DNAJB6: variants seen among roughly 807,000 people sequenced by gnomAD.
The protein encoded by DNAJB6 is dnaJ homolog subfamily B member 6.
A neutral mutation model predicts 42.7 loss-of-function variants in DNAJB6; 16 were observed. The observed-to-expected ratio is 0.37, with a 90% CI of 0.25 to 0.57. DNAJB6 has a LOEUF of 0.57. DNAJB6 is among the 20% of genes least tolerant of loss of function. The pLI, the probability that DNAJB6 is intolerant of heterozygous loss-of-function variation, is 0.74. For missense variants in DNAJB6, 347 were observed against 416.8 expected, an observed-to-expected ratio of 0.83 and a Z score of 1.46; for synonymous variants, 170 against 163.5, an observed-to-expected ratio of 1.04 and a Z score of -0.30.
intron 9 of DNAJB6, chr7:157,414,097 C>T (rs903873371): frequency 1.4e-4 from 22 of 152,432 alleles, no homozygotes; most frequent in African/African-American, 4.3e-4. Context: ...TCCCGGCAGC[C>T]CCAGGGCGGG....
chr7:157,369,935 AC>A (rs1563128589), intron 5 of DNAJB6, among the ~76,000 whole-genome samples: 9 of 149,276 alleles, frequency 6.0e-5, no homozygotes, highest in Non-Finnish European at 1.2e-4. Context: ...TTATTATTAA[AC>A]GGGACCCTTC....
intron 5 of DNAJB6, among the ~76,000 whole-genome samples, chr7:157,375,309 G>T (rs943468155): frequency 3.9e-5 from 6 of 152,186 alleles, no homozygotes; most frequent in African/African-American, 1.4e-4. Context: ...GAGGACTGTG[G>T]TTGGGAAGAG....
chr7:157,383,238 C>T (rs1025958250), intron 6 of DNAJB6, among the ~76,000 whole-genome samples: 5 of 152,056 alleles, frequency 3.3e-5, no homozygotes, highest in African/African-American at 7.2e-5. Flanking sequence ...GAACTGACCT[C>T]GGGTGGATCC....
intron 3 of DNAJB6, among the ~76,000 whole-genome samples, chr7:157,365,461 C>G (rs1011333251): frequency 1.6e-4 from 25 of 152,240 alleles, no homozygotes; most frequent in African/African-American, 5.5e-4. Flanking sequence ...TGGCGCCTTT[C>G]TGGCACATCT....
chr7:157,398,867 A>G (rs899633374), intron 8 of DNAJB6, among the ~76,000 whole-genome samples: 2 of 152,250 alleles, frequency 1.3e-5, no homozygotes, highest in African/African-American at 4.8e-5. Flanking sequence ...TTTTTCTACA[A>G]CTAATGTGTA....
At chr7:157,397,857 A>G (rs979385189) in intron 8 of DNAJB6, among the ~76,000 whole-genome samples, 3 of 152,184 alleles carry the variant, frequency 2.0e-5, no homozygotes, top group Admixed American at 6.5e-5. Flanking sequence ...TCCTGTTTAA[A>G]ACTGTTCAGG....
chr7:157,367,441 G>A lies in DNAJB6; in HGVS notation c.304G>A (p.Glu102Lys), dbSNP rs1286507533. Residue 102 changes from glutamate (E) to lysine (K), a missense_variant, in exon 5 of 10, where the codon GAA (glutamate) becomes AAA (lysine). Glu to Lys is a moderately conservative substitution (Grantham distance 56). Transcript: ENST00000262177. ...CCGTAACCCAGATGATGTCTTCAGG[G>A]AATTTTTTGGTGGAAGGGACCCATT... ...TFRNPDDVFR[E>K]FFGGRDPFSF... The A allele has an allele frequency of 6.2e-7, 1 of 1,613,590 alleles. No homozygotes were observed. Among genetic ancestry groups the A allele is most frequent in the African/African-American group, 1.3e-5 (1 of 75,052 alleles).
At chr7:157,342,008 A>G (rs1247060695) in intron 1 of DNAJB6, among the ~76,000 whole-genome samples, 1 of 152,070 alleles carries the variant, frequency 6.6e-6, no homozygotes, top group African/African-American at 2.4e-5. Context: ...CTGAGATTAC[A>G]GGCGTTCGCC....
chr7:157,403,838 G>A (rs1795637053), intron 8 of DNAJB6, among the ~76,000 whole-genome samples: 2 of 152,244 alleles, frequency 1.3e-5, no homozygotes, highest in Admixed American at 6.5e-5. Context: ...ACCCTGTGTG[G>A]ACTCGCAGCG....
At chr7:157,343,079 C>T (rs1040438365) in intron 1 of DNAJB6, among the ~76,000 whole-genome samples, 14 of 151,702 alleles carry the variant, frequency 9.2e-5, no homozygotes, top group Non-Finnish European at 1.6e-4. Context: ...GCAACCTTTG[C>T]CTCCCAGGCT....
rs765359297 is a variant in DNAJB6 at position 157,416,441 on chromosome 7, G to A, written c.*343G>A. The A allele has an allele frequency of 1.1e-5, 3 of 263,450 alleles. No individual in the cohort carries two copies. The highest frequency in any genetic ancestry group is 2.2e-5 in the Non-Finnish European group (3 of 135,238). 16.3% of individuals were successfully genotyped at this position (263,450 alleles called of 1,614,324 possible). ...GAATATTTCTGGCTTTAGAAGTACAGGAGGGCGCAGATGGCTAACTGAGTA... is the reference window on the plus strand; with the variant it reads ...GAATATTTCTGGCTTTAGAAGTACAAGAGGGCGCAGATGGCTAACTGAGTA... On this transcript the variant is annotated 3_prime_UTR_variant, in exon 10 of 10. Coordinates refer to ENST00000262177, the MANE Select transcript of DNAJB6 (RefSeq NM_058246.4).
chr7:157,368,309 T>G (rs1799941736), intron 5 of DNAJB6, among the ~76,000 whole-genome samples: 1 of 152,226 alleles, frequency 6.6e-6, no homozygotes, highest in Admixed American at 6.5e-5. Context: ...CTTGGAAACG[T>G]TGTTTCCCAT....
chr7:157,385,430 A>T, intron 7 of DNAJB6, 111 bp from the exon 8 acceptor site: 1 of 1,187,608 alleles, frequency 8.4e-7, no homozygotes, highest in Admixed American at 2.4e-5. Flanking sequence ...TACAGCCTGA[A>T]AATTACTTAT....
At chr7:157,374,321 G>A (rs1250930812) in intron 5 of DNAJB6, among the ~76,000 whole-genome samples, 4 of 152,100 alleles carry the variant, frequency 2.6e-5, no homozygotes, top group South Asian at 2.1e-4. Flanking sequence ...GTGCAGTGGC[G>A]TGATCTCGGC....
intron 3 of DNAJB6, among the ~76,000 whole-genome samples, chr7:157,364,794 G>T (rs190574236): frequency 6.6e-6 from 1 of 152,290 alleles, no homozygotes; most frequent in African/African-American, 2.4e-5. Flanking sequence ...AGGTGTATGA[G>T]GTGTGTTTTT....
At chr7:157,389,189 C>T (rs772258279) in intron 8 of DNAJB6, among the ~76,000 whole-genome samples, 3 of 152,170 alleles carry the variant, frequency 2.0e-5, no homozygotes, top group Admixed American at 6.5e-5. Flanking sequence ...TTAATTAGAG[C>T]TTGAAAAATG....
intron 3 of DNAJB6, 65 bp downstream of exon 3, chr7:157,363,335 G>A: frequency 2.7e-6 from 3 of 1,101,900 alleles, no homozygotes; most frequent in Non-Finnish European, 1.4e-6. Context: ...TGGGTGTTGG[G>A]ATCCTCCTCA....
intron 6 of DNAJB6, 46 bp from the exon 7 acceptor site, chr7:157,384,821 A>G (rs1439346049): frequency 6.3e-7 from 1 of 1,576,254 alleles, no homozygotes; most frequent in Non-Finnish European, 8.7e-7. Flanking sequence ...TTGCATTACT[A>G]GTTGACATAT....
At chr7:157,395,674 T>TTTTTC (rs1296346637) in intron 8 of DNAJB6, among the ~76,000 whole-genome samples, 32 of 151,538 alleles carry the variant, frequency 2.1e-4, no homozygotes, top group Non-Finnish European at 3.2e-4. Flanking sequence ...CATTCTACGT[T>TTTTTC]TTTTCTTTTC....
Sources: gnomAD v4.1 joint callset for allele counts (sites outside exome capture counted in the v4.1 genomes callset) on GRCh38, gnomAD v4.1.1 for gene constraint, MANE v1.5 for transcripts, NCBI Gene and HGNC (gene_info 2026-07-23, HGNC 2026-07-21) for gene names.